Variants in RBMS3 observed in about 807,000 individuals in gnomAD.
RBMS3 encodes RNA binding motif single stranded interacting protein 3, also known as RNA-binding motif, single-stranded-interacting protein 3.
Under a neutral mutation model 66.8 loss-of-function variants are expected in RBMS3, and 27 were observed. The observed-to-expected ratio is 0.40, with a 90% confidence interval of 0.30 to 0.56. RBMS3 has a LOEUF of 0.56. Ranked by LOEUF, RBMS3 falls within the 20% of genes least tolerant of loss-of-function variation. The pLI is 0.40. For synonymous variants in RBMS3, 188 were observed against 183.0 expected (o/e 1.03, Z -0.22); for missense variants, 513 against 549.5 (o/e 0.93, Z 0.66).
intron 3 of RBMS3, among the ~76,000 whole-genome samples, chr3:29,548,185 G>A (rs921148958): frequency 6.6e-6 from 1 of 152,018 alleles, no homozygotes; most frequent in African/African-American, 2.4e-5. Flanking sequence ...CCAGAGCTTG[G>A]GAGGCCAAAG....
At chr3:29,811,736 T>A (rs1384282440) in intron 6 of RBMS3, among the ~76,000 whole-genome samples, 1 of 152,170 alleles carries the variant, frequency 6.6e-6, no homozygotes, top group Non-Finnish European at 1.5e-5. Context: ...TGTGTCTGCT[T>A]CTCAAAGGTA....
At chr3:29,386,803 C>T (rs559137585) in intron 1 of RBMS3, among the ~76,000 whole-genome samples, 1 of 152,304 alleles carries the variant, frequency 6.6e-6, no homozygotes, top group African/African-American at 2.4e-5. Flanking sequence ...CCTGTTCTCT[C>T]CTAAAGCCAC....
intron 4 of RBMS3, among the ~76,000 whole-genome samples, chr3:29,685,296 C>T (rs2051678847): frequency 6.6e-6 from 1 of 152,072 alleles, no homozygotes; most frequent in South Asian, 2.1e-4. Flanking sequence ...CTCCTGACCT[C>T]GTGATCCGCC....
intron 4 of RBMS3, among the ~76,000 whole-genome samples, chr3:29,625,676 C>A: frequency 6.8e-6 from 1 of 146,892 alleles, no homozygotes. Flanking sequence ...CCAGCCTGGG[C>A]AAAAAGAGTG....
intron 1 of RBMS3, among the ~76,000 whole-genome samples, chr3:29,383,236 T>G (rs1215125374): frequency 6.6e-6 from 1 of 152,220 alleles, no homozygotes; most frequent in African/African-American, 2.4e-5. Flanking sequence ...AAAAATTATG[T>G]TTTTTGATCA....
chr3:29,621,560 T>G (rs1431583044), intron 4 of RBMS3, among the ~76,000 whole-genome samples: 1 of 152,178 alleles, frequency 6.6e-6, no homozygotes, highest in Non-Finnish European at 1.5e-5. Flanking sequence ...GTATTAAACC[T>G]TTCAATAAAA....
chr3:29,759,534 G>A (rs553798874), intron 5 of RBMS3, among the ~76,000 whole-genome samples: 2 of 152,252 alleles, frequency 1.3e-5, no homozygotes, highest in Non-Finnish European at 2.9e-5. Context: ...TATAAAGGCA[G>A]CTGTGTCTGG....
At chr3:29,635,830 C>T (rs897384788) in intron 4 of RBMS3, among the ~76,000 whole-genome samples, 1 of 151,844 alleles carries the variant, frequency 6.6e-6, no homozygotes, top group Non-Finnish European at 1.5e-5. Flanking sequence ...CTCAGCTCTC[C>T]TCCTCCGTCC....
chr3:29,528,328 G>T (rs1349570206), intron 3 of RBMS3, among the ~76,000 whole-genome samples: 1 of 151,972 alleles, frequency 6.6e-6, no homozygotes, highest in Non-Finnish European at 1.5e-5. Flanking sequence ...GACCAGGCTG[G>T]TCTCAAACTC....
intron 4 of RBMS3, among the ~76,000 whole-genome samples, chr3:29,669,838 C>T (rs2050921290): frequency 2.0e-5 from 3 of 152,152 alleles, no homozygotes; most frequent in South Asian, 2.1e-4. Flanking sequence ...GGCGACTGCA[C>T]ACATGAGTAT....
intron 7 of RBMS3, among the ~76,000 whole-genome samples, chr3:29,882,579 A>G (rs2059761362): frequency 6.6e-6 from 1 of 151,914 alleles, no homozygotes; most frequent in South Asian, 2.1e-4. Flanking sequence ...GTGACTCTAC[A>G]CTTTTGTTCC....
chr3:29,552,944 C>G (rs2046225054), intron 3 of RBMS3, among the ~76,000 whole-genome samples: 2 of 152,068 alleles, frequency 1.3e-5, no homozygotes. Flanking sequence ...AGTTCAAAAC[C>G]TTGTTCTGCC....
At chr3:29,317,539 T>C (rs2034757103) in intron 1 of RBMS3, among the ~76,000 whole-genome samples, 1 of 151,562 alleles carries the variant, frequency 6.6e-6, no homozygotes, top group Non-Finnish European at 1.5e-5. Context: ...CTGTTATTAA[T>C]TGGATGGAAA....
intron 3 of RBMS3, among the ~76,000 whole-genome samples, chr3:29,531,474 C>T (rs1426236486): frequency 6.6e-6 from 1 of 152,196 alleles, no homozygotes; most frequent in Admixed American, 6.5e-5. Context: ...TTTTATTCTT[C>T]ATTTGCTCAA....
chr3:29,426,296 T>C (rs2040957266), intron 1 of RBMS3, among the ~76,000 whole-genome samples: 1 of 152,220 alleles, frequency 6.6e-6, no homozygotes, highest in Non-Finnish European at 1.5e-5. Context: ...TCCATTGATG[T>C]CATTTATAGC....
At position 29,751,562 on chromosome 3, in the gene RBMS3, A is replaced by G. The variant is rs570904049; in HGVS notation, c.558-11348A>G. ...GATTAATCTTCCACAAACCCTCTACAACGTGCTTAAAATGTTTTGCCACTA... is the reference window on the plus strand; with the variant it reads ...GATTAATCTTCCACAAACCCTCTACGACGTGCTTAAAATGTTTTGCCACTA... On this transcript the variant is annotated intron_variant, in intron 5 of 14. Coordinates refer to ENST00000383767, the MANE Select transcript of RBMS3 (RefSeq NM_001003793.3). Among the ~76,000 whole-genome samples the G allele has an allele frequency of 2.0e-5, 3 of 152,328 alleles. No individual in the cohort carries two copies. The East Asian group carries it at 5.8e-4, about 29-fold the overall frequency.
chr3:29,588,383 A>G (rs2047608047), intron 4 of RBMS3, among the ~76,000 whole-genome samples: 2 of 152,102 alleles, frequency 1.3e-5, no homozygotes, highest in South Asian at 4.1e-4. Context: ...GTTGAGTGAT[A>G]GAATGATAAG....
intron 4 of RBMS3, among the ~76,000 whole-genome samples, chr3:29,701,868 C>T (rs945030425): frequency 2.0e-5 from 3 of 147,506 alleles, no homozygotes; most frequent in Non-Finnish European, 4.4e-5. Flanking sequence ...GGAGCCCCAC[C>T]CCCTGCTCCA....
chr3:29,302,524 A>T (rs942216292), intron 1 of RBMS3, among the ~76,000 whole-genome samples: 3 of 152,004 alleles, frequency 2.0e-5, no homozygotes, highest in Non-Finnish European at 4.4e-5. Flanking sequence ...TTGGAAAAAA[A>T]ATATATATGT....
Sources: gnomAD v4.1 joint callset for allele counts (sites outside exome capture counted in the v4.1 genomes callset) on GRCh38, gnomAD v4.1.1 for gene constraint, MANE v1.5 for transcripts, NCBI Gene and HGNC (gene_info 2026-07-23, HGNC 2026-07-21) for gene names.